The following MAML3 variants were observed in gnomAD, a reference collection of about 807,000 sequenced individuals.
MAML3 encodes mastermind-like protein 3.
MAML3 carries 27 observed loss-of-function variants against 101.9 expected under a neutral mutation model. The observed-to-expected ratio is 0.27, with a 90% CI of 0.20 to 0.37. The LOEUF is 0.37. Among genes scored for constraint, MAML3 ranks in the 10% least tolerant of loss-of-function variants. The pLI is 1.00. For synonymous variants in MAML3, 501 were observed against 555.9 expected, an observed-to-expected ratio of 0.90 and a Z score of 1.39; for missense variants, 1,316 against 1,444.9, an observed-to-expected ratio of 0.91 and a Z score of 1.45.
chr4:140,040,175 A>G (rs760463216), intron 1 of MAML3, among the ~76,000 whole-genome samples: 4 of 152,166 alleles, frequency 2.6e-5, no homozygotes, highest in Non-Finnish European at 4.4e-5. Flanking sequence ...TGGGAGAGAG[A>G]GCATCTAACA....
intron 1 of MAML3, among the ~76,000 whole-genome samples, chr4:139,954,459 T>C: frequency 6.6e-6 from 1 of 152,224 alleles, no homozygotes; most frequent in East Asian, 1.9e-4. Context: ...GCTAGGTGTT[T>C]AGCAGGGAGT....
At chr4:139,902,703 G>T (rs11724190) in intron 1 of MAML3, among the ~76,000 whole-genome samples, 130,466 of 152,136 alleles carry the variant, frequency 0.86, 56,226 homozygotes, top group South Asian at 0.92. Context: ...GGGGCAAAGC[G>T]GCTCGGCTTC....
At chr4:139,905,674 G>T (rs1294593649) in intron 1 of MAML3, among the ~76,000 whole-genome samples, 1 of 152,066 alleles carries the variant, frequency 6.6e-6, no homozygotes. Context: ...CAAGGTATCT[G>T]CAGGGTTGGT....
chr4:139,755,526 T>G (rs1371084099), intron 2 of MAML3, among the ~76,000 whole-genome samples: 1 of 152,172 alleles, frequency 6.6e-6, no homozygotes, highest in African/African-American at 2.4e-5. Flanking sequence ...GAGAATGGCG[T>G]GAACCCGGGA....
At chr4:140,076,544 C>T (rs1265562896) in intron 1 of MAML3, among the ~76,000 whole-genome samples, 1 of 152,178 alleles carries the variant, frequency 6.6e-6, no homozygotes, top group Non-Finnish European at 1.5e-5. Flanking sequence ...GCTCCAGGCC[C>T]CTGGAAGTCC....
Position 139,928,965 on chromosome 4 carries a change from G to C in MAML3, c.469-37998C>G, listed in dbSNP as rs137902319. On this transcript the variant is annotated intron_variant, in intron 1 of 4. Transcript: ENST00000509479. ...TTAGGGCAAGGGCAACAGCTGTGAA[G>C]AGGAAGGGAAGTATATGAGCATAAT... 1.6e-3 allele frequency among the ~76,000 whole-genome samples: 250 copies of C among 152,322 alleles called. 2 individuals carry two copies. The highest frequency in any genetic ancestry group is 5.7e-3 in the African/African-American group (238 of 41,570).
intron 1 of MAML3, among the ~76,000 whole-genome samples, chr4:140,135,201 A>AAAAGGCCTATTTT (rs1219749096): frequency 1.3e-5 from 2 of 152,234 alleles, no homozygotes; most frequent in Admixed American, 1.3e-4. Context: ...CATGCTCAGC[A>AAAAGGCCTATTTT]AAAGGCCTAT....
chr4:139,749,645 CA>C (rs1729440017), intron 2 of MAML3, among the ~76,000 whole-genome samples: 1 of 152,228 alleles, frequency 6.6e-6, no homozygotes, highest in African/African-American at 2.4e-5. Flanking sequence ...TTGTGTTGCA[CA>C]ATTTGCATGA....
At chr4:139,753,499 G>C (rs936234567) in intron 2 of MAML3, among the ~76,000 whole-genome samples, 3 of 152,118 alleles carry the variant, frequency 2.0e-5, no homozygotes, top group African/African-American at 7.2e-5. Context: ...TTAAAGATGA[G>C]TTTCAGAGGC....
At chr4:139,935,342 G>T (rs1733487453) in intron 1 of MAML3, among the ~76,000 whole-genome samples, 1 of 151,898 alleles carries the variant, frequency 6.6e-6, no homozygotes, top group Non-Finnish European at 1.5e-5. Flanking sequence ...TTTCAGCAGA[G>T]AAGGTTTTAT....
intron 2 of MAML3, among the ~76,000 whole-genome samples, chr4:139,851,535 T>C (rs965774366): frequency 6.6e-6 from 1 of 152,226 alleles, no homozygotes; most frequent in Non-Finnish European, 1.5e-5. Flanking sequence ...TTTCAAACAA[T>C]GACAACCAAC....
chr4:140,145,717 C>T (rs1349309186), intron 1 of MAML3, among the ~76,000 whole-genome samples: 1 of 152,020 alleles, frequency 6.6e-6, no homozygotes, highest in African/African-American at 2.4e-5. Flanking sequence ...AGACATGCGC[C>T]ACCACGCCCG....
chr4:139,936,547 T>C (rs532222787), intron 1 of MAML3, among the ~76,000 whole-genome samples: 2 of 152,304 alleles, frequency 1.3e-5, no homozygotes, highest in South Asian at 2.1e-4. Context: ...TTCTGAGATA[T>C]CTTCTTTTTT....
chr4:139,974,394 C>T (rs928082880), intron 1 of MAML3, among the ~76,000 whole-genome samples: 5 of 152,174 alleles, frequency 3.3e-5, no homozygotes, highest in South Asian at 4.1e-4. Flanking sequence ...TGTAAGCCAC[C>T]GCGCCCGGCC....
chr4:140,105,325 A>G (rs931070935), intron 1 of MAML3, among the ~76,000 whole-genome samples: 2 of 152,224 alleles, frequency 1.3e-5, no homozygotes, highest in African/African-American at 4.8e-5. Flanking sequence ...AGATTTACCC[A>G]GCGGTGAATC....
At chr4:139,918,987 G>A (rs1354001815) in intron 1 of MAML3, among the ~76,000 whole-genome samples, 1 of 152,120 alleles carries the variant, frequency 6.6e-6, no homozygotes. Flanking sequence ...TTTTTCACTG[G>A]AGAAAGACAT....
chr4:140,035,731 C>T (rs1370300946), intron 1 of MAML3, among the ~76,000 whole-genome samples: 5 of 151,072 alleles, frequency 3.3e-5, no homozygotes, highest in South Asian at 4.2e-4. Flanking sequence ...TGCAGTGAGC[C>T]GAGACTGCAC....
In MAML3 at chr4:140,119,069, G is replaced by A. The variant is rs542023879; in HGVS notation, c.468+33791C>T. On this transcript the variant is annotated intron_variant, in intron 1 of 4. Coordinates refer to ENST00000509479, the MANE Select transcript of MAML3 (RefSeq NM_018717.5). ...CAATACATACATTAACAGGCAAGGG[G>A]TATGGTGGCATTCCCCAGAGAATTC... Among the ~76,000 whole-genome samples, 319 of 152,300 alleles carry A rather than the reference G, an allele frequency of 2.1e-3. 2 individuals carry two copies. Among genetic ancestry groups the A allele is most frequent in the African/African-American group, 7.4e-3 (309 of 41,538 alleles).
intron 1 of MAML3, among the ~76,000 whole-genome samples, chr4:140,006,216 G>A (rs1340405275): frequency 1.3e-5 from 2 of 152,060 alleles, no homozygotes; most frequent in Non-Finnish European, 2.9e-5. Flanking sequence ...GGGGCCAATA[G>A]GAAGAAAGGG....
Sources: gnomAD v4.1 joint callset for allele counts (sites outside exome capture counted in the v4.1 genomes callset) on GRCh38, gnomAD v4.1.1 for gene constraint, MANE v1.5 for transcripts, NCBI Gene and HGNC (gene_info 2026-07-23, HGNC 2026-07-21) for gene names.